The following GRK3 variants were observed in gnomAD, a reference collection of about 807,000 sequenced individuals.
The protein encoded by GRK3 is adrenergic, beta, receptor kinase 2.
A neutral mutation model predicts 95.7 loss-of-function variants in GRK3; 54 were observed. The observed-to-expected ratio is 0.56, with a 90% CI of 0.45 to 0.71. GRK3 has a LOEUF of 0.71. Among genes scored for constraint, GRK3 ranks in the 30% least tolerant of loss-of-function variants. GRK3 has a pLI of 0.00. For missense variants in GRK3, 649 were observed against 851.2 expected (o/e 0.76, Z 2.96); for synonymous variants, 281 against 290.8 (o/e 0.97, Z 0.34).
In GRK3 at chr22:25,686,630, CCTGTTGACAG is replaced by C. The variant is rs2085116673; in HGVS notation, c.827-905_827-896del. ...GTATTTTATAAAATCATTCCCTTAC[CCTGTTGACAG>C]CATTCTCTGTCTGTGTAATTTGAGG... is the stretch of plus-strand genomic sequence containing the variant. On this transcript the variant is annotated intron_variant, in intron 10 of 20. Coordinates refer to ENST00000324198, the MANE Select transcript of GRK3 (RefSeq NM_005160.4). Among the ~76,000 whole-genome samples, 8 of 152,160 alleles carry C rather than the reference CCTGTTGACAG, an allele frequency of 5.3e-5. No homozygotes were observed. In the South Asian group the frequency reaches 1.7e-3, roughly 32 times the overall value.
chr22:25,715,650 G>T (rs2085378231), intron 18 of GRK3, among the ~76,000 whole-genome samples: 3 of 152,166 alleles, frequency 2.0e-5, no homozygotes, highest in Admixed American at 2.0e-4. Context: ...ATTTTTCTAA[G>T]ATTTCATGAA....
At chr22:25,568,300 C>T (rs1266397008) in intron 1 of GRK3, among the ~76,000 whole-genome samples, 2 of 152,060 alleles carry the variant, frequency 1.3e-5, no homozygotes, top group Non-Finnish European at 2.9e-5. Context: ...GGCTGTATTA[C>T]TCTGTTACTC....
chr22:25,623,967 T>G (rs550057862), intron 2 of GRK3, among the ~76,000 whole-genome samples: 1 of 152,292 alleles, frequency 6.6e-6, no homozygotes, highest in South Asian at 2.1e-4. Context: ...ATCAGGCACT[T>G]CCAATCTCCA....
chr22:25,644,972 G>A (rs184291000), intron 3 of GRK3, among the ~76,000 whole-genome samples: 3 of 152,264 alleles, frequency 2.0e-5, no homozygotes, highest in Admixed American at 2.0e-4. Flanking sequence ...TATTTTCTGT[G>A]GAAGCGTGCT....
In GRK3 at chr22:25,725,646, T is replaced by A. The variant is rs2085467649; in HGVS notation, c.*3196T>A. ...ACTGACGTGACAATTTCAGGTCCTATGTTTAAAAAGAAGGGGCTGGCCGGG... is the reference window on the plus strand; with the variant it reads ...ACTGACGTGACAATTTCAGGTCCTAAGTTTAAAAAGAAGGGGCTGGCCGGG... On this transcript the variant is annotated 3_prime_UTR_variant, in exon 21 of 21. Transcript: ENST00000324198. 1 of 398,434 alleles carries A rather than the reference T, an allele frequency of 2.5e-6. No homozygotes were observed. The highest frequency in any genetic ancestry group is 1.3e-4 in the South Asian group (1 of 7,856). The allele number at this position is 398,434 out of a possible 1,614,324, so 24.7% of individuals were successfully genotyped here.
chr22:25,721,144 C>A, intron 19 of GRK3, 140 bp from the exon 20 acceptor site: 1 of 476,464 alleles, frequency 2.1e-6, no homozygotes. Flanking sequence ...GCCATTTTCC[C>A]CTTACTTCTA....
intron 2 of GRK3, among the ~76,000 whole-genome samples, chr22:25,630,991 G>A (rs569174662): frequency 6.6e-6 from 1 of 152,022 alleles, no homozygotes; most frequent in African/African-American, 2.4e-5. Flanking sequence ...AAAAATAAGC[G>A]TATTTAAGGC....
intron 14 of GRK3, 133 bp from the exon 15 acceptor site, chr22:25,703,976 G>T: frequency 1.6e-6 from 1 of 631,756 alleles, no homozygotes. Flanking sequence ...TTTCTATAGA[G>T]TAAATATTAA....
At chr22:25,694,209 A>G (rs1033596691) in intron 12 of GRK3, among the ~76,000 whole-genome samples, 2 of 152,168 alleles carry the variant, frequency 1.3e-5, no homozygotes, top group Admixed American at 6.5e-5. Context: ...AGAGGTAGAG[A>G]TGTCATCTGA....
At chr22:25,642,387 C>T (rs370741054) in intron 2 of GRK3, among the ~76,000 whole-genome samples, 23 of 152,206 alleles carry the variant, frequency 1.5e-4, no homozygotes, top group African/African-American at 4.8e-4. Flanking sequence ...GAGCCAAGAT[C>T]GCGCCATTGC....
chr22:25,566,062 C>T (rs770275395), intron 1 of GRK3, among the ~76,000 whole-genome samples: 3 of 152,012 alleles, frequency 2.0e-5, no homozygotes, highest in Non-Finnish European at 4.4e-5. Flanking sequence ...AGCACTTCCC[C>T]AGAAAAAATA....
chr22:25,726,827 T>C lies in GRK3; in HGVS notation c.*4377T>C, dbSNP rs1470366198. On this transcript the variant is annotated 3_prime_UTR_variant, in exon 21 of 21. Transcript: ENST00000324198. The stretch of plus-strand genomic sequence containing the variant: ...TCAGGACTTTCTGAAGAAGTTCTTT[T>C]GCCTCTGCCTACCCTCTGGCACCCT... 1 of 152,184 alleles carries C rather than the reference T, an allele frequency of 6.6e-6. No homozygotes were observed. The highest frequency in any genetic ancestry group is 1.5e-5 in the Non-Finnish European group (1 of 68,052). 9.4% of individuals were successfully genotyped at this position (152,184 alleles called of 1,614,324 possible). A position where few individuals can be genotyped will look rare whatever the true frequency, so the allele number is the denominator to read the frequency against.
At chr22:25,575,850 A>G (rs1931872314) in intron 1 of GRK3, among the ~76,000 whole-genome samples, 1 of 152,264 alleles carries the variant, frequency 6.6e-6, no homozygotes, top group South Asian at 2.1e-4. Flanking sequence ...ACTGTGGGGC[A>G]GGGAGTGGCT....
At chr22:25,655,537 T>G (rs2084864450) in intron 3 of GRK3, among the ~76,000 whole-genome samples, 1 of 152,228 alleles carries the variant, frequency 6.6e-6, no homozygotes, top group Non-Finnish European at 1.5e-5. Context: ...TTACACTGTT[T>G]GTTGTCTAAT....
intron 1 of GRK3, among the ~76,000 whole-genome samples, chr22:25,566,229 G>A (rs1446768353): frequency 6.6e-6 from 1 of 152,048 alleles, no homozygotes; most frequent in Non-Finnish European, 1.5e-5. Context: ...GCTCAAAAGA[G>A]GCATCTTGTT....
intron 18 of GRK3, among the ~76,000 whole-genome samples, chr22:25,716,143 C>A (rs1183964747): frequency 6.6e-6 from 1 of 152,050 alleles, no homozygotes; most frequent in Admixed American, 6.5e-5. Context: ...CCCACCACCA[C>A]GCCTGGCTAT....
chr22:25,680,642 A>C lies in GRK3; in HGVS notation c.747+1727A>C, dbSNP rs183541642. Among the ~76,000 whole-genome samples, 157 of 152,328 alleles carry C rather than the reference A, an allele frequency of 1.0e-3. 1 individual carries two copies. The highest frequency in any genetic ancestry group is 1.5e-4 in the Non-Finnish European group (10 of 68,038). ...TAACCCTAAAAGAGTAAATTAAAAA[A>C]TTAGGGTTATTTTGGGCTATCACTT... On this transcript the variant is annotated intron_variant, in intron 9 of 20. Transcript: ENST00000324198.
At chr22:25,721,788 A>G (rs2085434735) in intron 20 of GRK3, among the ~76,000 whole-genome samples, 1 of 152,242 alleles carries the variant, frequency 6.6e-6, no homozygotes, top group African/African-American at 2.4e-5. Flanking sequence ...CCTCAAAGTT[A>G]CATTGTAACA....
chr22:25,723,938 G>A lies in GRK3; in HGVS notation c.*1488G>A, dbSNP rs2085454028. ...CAAAAGGGTCCATTATTTCATAAGAGTTACTTTGCAAAAAAAAAAATGTGG... is the reference window on the plus strand; with the variant it reads ...CAAAAGGGTCCATTATTTCATAAGAATTACTTTGCAAAAAAAAAAATGTGG... On this transcript the variant is annotated 3_prime_UTR_variant, in exon 21 of 21. Coordinates refer to ENST00000324198, the MANE Select transcript of GRK3 (RefSeq NM_005160.4). The A allele has an allele frequency of 6.8e-6, 1 of 146,370 alleles. No homozygotes were observed. Among genetic ancestry groups the A allele is most frequent in the South Asian group, 2.1e-4 (1 of 4,672 alleles). The allele number at this position is 146,370 out of a possible 1,614,324, so 9.1% of individuals were successfully genotyped here.
Sources: gnomAD v4.1 joint callset for allele counts (sites outside exome capture counted in the v4.1 genomes callset) on GRCh38, gnomAD v4.1.1 for gene constraint, MANE v1.5 for transcripts, NCBI Gene and HGNC (gene_info 2026-07-23, HGNC 2026-07-21) for gene names.